Variants in GMPR observed in about 807,000 individuals in gnomAD.
GMPR encodes GMP reductase 1.
Under a neutral mutation model 38.4 loss-of-function variants are expected in GMPR, and 31 were observed. The ratio of observed to expected loss-of-function variants is 0.81; its 90% CI spans 0.61 to 1.09. The LOEUF (loss-of-function observed/expected upper bound fraction) is 1.09, where lower values mean the gene tolerates loss of function less well. GMPR is among the 50% of genes least tolerant of loss of function. The pLI is 0.00. For missense variants in GMPR, 468 were observed against 453.7 expected, an observed-to-expected ratio of 1.03 and a Z score of -0.29; for synonymous variants, 162 against 173.3, an observed-to-expected ratio of 0.93 and a Z score of 0.51.
intron 5 of GMPR, among the ~76,000 whole-genome samples, chr6:16,277,115 G>A (rs550991387): frequency 2.1e-4 from 32 of 152,198 alleles, no homozygotes; most frequent in Non-Finnish European, 4.1e-4. Context: ...CGTGCACAAC[G>A]TCTGGTTGCA....
At chr6:16,259,425 A>G (rs1759038598) in intron 4 of GMPR, 1 of 152,040 alleles carries the variant, frequency 6.6e-6, no homozygotes, top group African/African-American at 2.4e-5. Flanking sequence ...CAGAGGCCTG[A>G]CATTCCTGTC....
At chr6:16,292,868 GA>G (rs1047745464) in intron 8 of GMPR, among the ~76,000 whole-genome samples, 13 of 151,296 alleles carry the variant, frequency 8.6e-5, no homozygotes, top group Admixed American at 8.5e-4. Context: ...AGGTATAATA[GA>G]AAAAAAAAGA....
chr6:16,289,303 A>G (rs962498626), intron 7 of GMPR, among the ~76,000 whole-genome samples: 5 of 152,172 alleles, frequency 3.3e-5, no homozygotes, highest in Admixed American at 3.3e-4. Context: ...CCAAGAACCC[A>G]CCAGTTCCGA....
intron 4 of GMPR, among the ~76,000 whole-genome samples, chr6:16,255,529 T>C (rs1253867422): frequency 6.6e-6 from 1 of 152,210 alleles, no homozygotes; most frequent in Non-Finnish European, 1.5e-5. Context: ...GTGTGTTTTA[T>C]CTAGGAGCTT....
intron 4 of GMPR, among the ~76,000 whole-genome samples, chr6:16,267,767 G>A (rs902640927): frequency 6.6e-6 from 1 of 152,160 alleles, no homozygotes; most frequent in Non-Finnish European, 1.5e-5. Flanking sequence ...TTCTGATCTG[G>A]TCTGGAGGAA....
chr6:16,283,558 C>T (rs1449897677), intron 6 of GMPR, among the ~76,000 whole-genome samples: 2 of 152,196 alleles, frequency 1.3e-5, no homozygotes, highest in East Asian at 3.8e-4. Flanking sequence ...CATACAAAAG[C>T]ACCCTGTGAG....
At position 16,238,633 on chromosome 6, in the gene GMPR, C is replaced by A. The variant is rs1446840017; in HGVS notation, c.-61C>A. The A allele has an allele frequency of 6.1e-6, 4 of 651,818 alleles. No homozygotes were observed. The highest frequency in any genetic ancestry group is 7.9e-6 in the Non-Finnish European group (4 of 503,842). 40.4% of individuals were successfully genotyped at this position (651,818 alleles called of 1,614,324 possible). A position where few individuals can be genotyped will look rare whatever the true frequency, so the allele number is the denominator to read the frequency against. On this transcript the variant is annotated 5_prime_UTR_variant, in exon 1 of 9. Coordinates refer to ENST00000259727, the MANE Select transcript of GMPR (RefSeq NM_006877.4). ...ACAGCAGCCCCGGCGCTCCCCGCGC[C>A]GCCCCGCGCAGGCGCCCCCGCCCCG...
At position 16,270,869 on chromosome 6, in the gene GMPR, C is replaced by T. The variant is rs990356649; in HGVS notation, c.466-3546C>T. The stretch of plus-strand genomic sequence containing the variant: ...TGCACAAGCTTCTGGGTTACTAAAG[C>T]GGCGTCAGCCTTCTTGATGTTTTTA... On this transcript the variant is annotated intron_variant, in intron 4 of 8. Transcript: ENST00000259727. Among the ~76,000 whole-genome samples the T allele has an allele frequency of 6.6e-5, 10 of 152,258 alleles. No homozygotes were observed. In the East Asian group the frequency reaches 1.4e-3, roughly 21 times the overall value.
At chr6:16,263,176 T>C (rs566094550) in intron 4 of GMPR, 2 of 151,770 alleles carry the variant, frequency 1.3e-5, no homozygotes, top group Non-Finnish European at 2.9e-5. Flanking sequence ...ACGAGTTGCA[T>C]TGGGAACAGA....
chr6:16,283,013 T>A (rs925051732), intron 6 of GMPR, among the ~76,000 whole-genome samples: 1 of 151,988 alleles, frequency 6.6e-6, no homozygotes, highest in East Asian at 1.9e-4. Context: ...TTCACCATGT[T>A]CGCCAGGCTG....
At chr6:16,285,976 A>G in intron 7 of GMPR, 141 bp downstream of exon 7, 4 of 739,854 alleles carry the variant, frequency 5.4e-6, no homozygotes, top group Non-Finnish European at 7.0e-6. Context: ...CCTGGGTTTC[A>G]GCCCCAATTG....
intron 4 of GMPR, chr6:16,264,219 G>A (rs1325738950): frequency 1.3e-5 from 2 of 153,140 alleles, no homozygotes; most frequent in African/African-American, 4.8e-5. Context: ...ATCTCTACCA[G>A]AAAATGAAAG....
At chr6:16,256,519 ACT>A (rs1375693405) in intron 4 of GMPR, among the ~76,000 whole-genome samples, 5 of 126,232 alleles carry the variant, frequency 4.0e-5, no homozygotes, top group African/African-American at 1.6e-4. Flanking sequence ...ACAGAGTGAG[ACT>A]CTGTCTCAAA....
intron 6 of GMPR, among the ~76,000 whole-genome samples, chr6:16,285,017 C>CAAA (rs1230598044): frequency 5.4e-4 from 19 of 35,060 alleles, no homozygotes; most frequent in East Asian, 1.8e-3. Context: ...GAGACTGTCT[C>CAAA]AAAAAAAAAA....
chr6:16,246,968 C>G lies in GMPR; in HGVS notation c.207+7C>G. The G allele has an allele frequency of 6.2e-7, 1 of 1,611,794 alleles. No homozygotes were observed. The highest frequency in any genetic ancestry group is 1.3e-5 in the African/African-American group (1 of 74,808). The stretch of plus-strand genomic sequence containing the variant: ...GGCAGCCGTGATGTCACAGGTGAGG[C>G]GGTAGGCTTTTGTTTTTTCCCTTTG... On this transcript the variant is annotated splice_region_variant and intron_variant, in intron 2 of 8. Transcript: ENST00000259727.
intron 1 of GMPR, among the ~76,000 whole-genome samples, chr6:16,244,875 A>G (rs141810255): frequency 6.6e-6 from 1 of 152,290 alleles, no homozygotes; most frequent in Non-Finnish European, 1.5e-5. Flanking sequence ...AGGACTGGAA[A>G]TGAGGGGAAG....
chr6:16,250,377 C>G lies in GMPR; in HGVS notation c.291+10C>G. On this transcript the variant is annotated intron_variant, in intron 3 of 8. Transcript: ENST00000259727. The stretch of plus-strand genomic sequence containing the variant: ...CCCAGAATGCCTGCAGGTACGACTA[C>G]AGCCTGGTTATCAATTACCAGTGCT... 3.3e-6 allele frequency: 5 copies of G among 1,530,496 alleles called. No homozygotes were observed. Among genetic ancestry groups the G allele is most frequent in the Non-Finnish European group, 4.5e-6 (5 of 1,103,574 alleles). 94.8% of individuals were successfully genotyped at this position (1,530,496 alleles called of 1,614,324 possible). A position where few individuals can be genotyped will look rare whatever the true frequency, so the allele number is the denominator to read the frequency against.
At chr6:16,262,236 G>A (rs1374854958) in intron 4 of GMPR, 5 of 151,744 alleles carry the variant, frequency 3.3e-5, no homozygotes, top group East Asian at 1.9e-4. Flanking sequence ...GGGGGCTTCC[G>A]AGGCGATCGG....
chr6:16,276,320 C>T (rs1322329492), intron 5 of GMPR, among the ~76,000 whole-genome samples: 1 of 152,050 alleles, frequency 6.6e-6, no homozygotes, highest in Non-Finnish European at 1.5e-5. Context: ...CAGGCATGCA[C>T]CACCATGCCC....
Sources: gnomAD v4.1 joint callset for allele counts (sites outside exome capture counted in the v4.1 genomes callset) on GRCh38, gnomAD v4.1.1 for gene constraint, MANE v1.5 for transcripts, NCBI Gene and HGNC (gene_info 2026-07-23, HGNC 2026-07-21) for gene names.